The following EYA1 variants were observed in gnomAD, a reference collection of about 807,000 sequenced individuals.
EYA1 encodes the protein protein phosphatase EYA1.
EYA1 carries 16 observed loss-of-function variants against 82.0 expected under a neutral mutation model. The ratio of observed to expected loss-of-function variants is 0.20; its 90% CI spans 0.13 to 0.30. EYA1 has a LOEUF of 0.30. EYA1 is among the 10% of genes least tolerant of loss of function. EYA1 has a pLI of 1.00. For synonymous variants in EYA1, 261 were observed against 264.4 expected, an observed-to-expected ratio of 0.99 and a Z score of 0.12; for missense variants, 633 against 730.7, an observed-to-expected ratio of 0.87 and a Z score of 1.54.
intron 9 of EYA1, among the ~76,000 whole-genome samples, chr8:71,272,886 C>T (rs201271305): frequency 1.6e-5 from 2 of 127,358 alleles, no homozygotes; most frequent in Non-Finnish European, 1.7e-5. Flanking sequence ...ATTTTCCCTA[C>T]GATGTTGTTA....
intron 7 of EYA1, among the ~76,000 whole-genome samples, chr8:71,300,139 C>T (rs1331096373): frequency 1.3e-5 from 2 of 152,084 alleles, no homozygotes; most frequent in Non-Finnish European, 2.9e-5. Flanking sequence ...ACTTAAAATG[C>T]TTTCAGACTT....
chr8:71,466,407 G>A (rs1053714865), intron 2 of EYA1, among the ~76,000 whole-genome samples: 40 of 152,122 alleles, frequency 2.6e-4, no homozygotes, highest in Non-Finnish European at 7.4e-5. Flanking sequence ...AGTAGTAGAA[G>A]AGAATAGCAC....
At chr8:71,546,958 C>T (rs796910726) in intron 1 of EYA1, among the ~76,000 whole-genome samples, 35 of 152,194 alleles carry the variant, frequency 2.3e-4, no homozygotes, top group African/African-American at 8.0e-4. Flanking sequence ...TCTGGTGGGC[C>T]TTAATTACCA....
At position 71,271,789 on chromosome 8, in the gene EYA1, T is replaced by C; in HGVS notation, c.935A>G (p.Asn312Ser). 1 of 1,614,170 alleles carries C rather than the reference T, an allele frequency of 6.2e-7. No individual in the cohort carries two copies. Among genetic ancestry groups the C allele is most frequent in the Middle Eastern group, 1.6e-4 (1 of 6,062 alleles). The change falls in exon 10 of 18, where the codon AAT (asparagine) becomes AGT (serine). Residue 312 changes from asparagine to serine, a missense_variant. Asn to Ser is a conservative substitution (Grantham distance 46, BLOSUM62 1). Transcript: ENST00000340726. The part of the protein sequence containing the change: ...KSRGRGRRNN[N>S]PSPPPDSDLE... Reference sequence around the variant, plus strand: ...ATCAGAATCTGGGGGAGGTGAAGGATTATTGTTTCTTCGGCCCCGTCCACG... The same window carrying C: ...ATCAGAATCTGGGGGAGGTGAAGGACTATTGTTTCTTCGGCCCCGTCCACG...
chr8:71,410,803 C>T lies in EYA1; in HGVS notation c.34-54292G>A, dbSNP rs1239467992. On this transcript the variant is annotated intron_variant, in intron 2 of 18. Transcript: ENST00000643681. ...CAATATCGTGAAAATGGCCATACTG[C>T]CCAAGGTAATTTACAGATTCAATGC... Among the ~76,000 whole-genome samples the T allele has an allele frequency of 5.8e-3, 840 of 145,836 alleles. 9 individuals carry two copies. Among genetic ancestry groups the T allele is most frequent in the African/African-American group, 0.02 (798 of 39,462 alleles).
chr8:71,220,822 C>T (rs1180506117), intron 12 of EYA1, among the ~76,000 whole-genome samples: 1 of 152,114 alleles, frequency 6.6e-6, no homozygotes, highest in Non-Finnish European at 1.5e-5. Context: ...GGCAGGAGAA[C>T]ACTGGTGTAA....
At chr8:71,395,419 G>C (rs1586623665) in intron 2 of EYA1, among the ~76,000 whole-genome samples, 1 of 152,154 alleles carries the variant, frequency 6.6e-6, no homozygotes. Context: ...TATGATATTG[G>C]CTGTGGGTTT....
In EYA1 at chr8:71,414,012, G is replaced by A. The variant is rs535895390; in HGVS notation, c.34-57501C>T. 6.9e-4 allele frequency among the ~76,000 whole-genome samples: 105 copies of A among 152,284 alleles called. 1 individual carries two copies. Among genetic ancestry groups the A allele is most frequent in the African/African-American group, 2.5e-3 (102 of 41,548 alleles). ...GCTGTTGGGATTAACACTGTGTAAG[G>A]GTAGGAAAGAAAGTAGAATTGAGCA... is the stretch of plus-strand genomic sequence containing the variant. On this transcript the variant is annotated intron_variant, in intron 2 of 18. Coordinates refer to the EYA1 transcript ENST00000643681.
At chr8:71,413,143 C>A (rs1464213464) in intron 2 of EYA1, among the ~76,000 whole-genome samples, 1 of 152,094 alleles carries the variant, frequency 6.6e-6, no homozygotes, top group African/African-American at 2.4e-5. Flanking sequence ...AGTTCAGAAG[C>A]AGAATAAAAT....
intron 12 of EYA1, among the ~76,000 whole-genome samples, chr8:71,232,735 A>G (rs984487676): frequency 2.0e-5 from 3 of 150,470 alleles, no homozygotes; most frequent in African/African-American, 7.4e-5. Context: ...TCTACAAGAG[A>G]ATTTGGCAGC....
At chr8:71,523,179 C>CTTTTTTTTTTTTT (rs1160944112) in intron 2 of EYA1, among the ~76,000 whole-genome samples, 3 of 119,748 alleles carry the variant, frequency 2.5e-5, no homozygotes, top group Non-Finnish European at 5.4e-5. Flanking sequence ...TTTTCTTTTT[C>CTTTTTTTTTTTTT]TTTTTTTTTT....
chr8:71,494,487 T>A (rs7833605), intron 2 of EYA1, among the ~76,000 whole-genome samples: 90,524 of 152,058 alleles, frequency 0.6, 27,434 homozygotes, highest in East Asian at 0.9. Context: ...TATGCATTCA[T>A]ATTACTCTTA....
In EYA1 at chr8:71,361,999, G is replaced by C; in HGVS notation, c.-407C>G. The C allele has an allele frequency of 1.0e-6, 1 of 985,400 alleles. No homozygotes were observed. Among genetic ancestry groups the C allele is most frequent in the African/African-American group, 1.7e-5 (1 of 57,330 alleles). 61.0% of individuals were successfully genotyped at this position (985,400 alleles called of 1,614,324 possible). Reference sequence around the variant, plus strand: ...AAACTCGGAGCCATCAGCTCCCACCGTTCTGTTTGGTAACAGCTTTGCGCC... The same window carrying C: ...AAACTCGGAGCCATCAGCTCCCACCCTTCTGTTTGGTAACAGCTTTGCGCC... On this transcript the variant is annotated 5_prime_UTR_variant, in exon 1 of 18. Transcript: ENST00000340726.
intron 2 of EYA1, among the ~76,000 whole-genome samples, chr8:71,392,497 A>G (rs1227179877): frequency 6.6e-6 from 1 of 152,154 alleles, no homozygotes; most frequent in Non-Finnish European, 1.5e-5. Context: ...ACATTTCAGA[A>G]TTCTAAATGG....
chr8:71,354,698 C>A (rs527748310), intron 3 of EYA1, 84 bp downstream of exon 3: 25 of 1,376,568 alleles, frequency 1.8e-5, no homozygotes, highest in South Asian at 1.2e-4. Flanking sequence ...ATTTTGACAA[C>A]TGAAATCATA....
At chr8:71,349,129 A>G (rs1379249853) in intron 3 of EYA1, among the ~76,000 whole-genome samples, 1 of 152,228 alleles carries the variant, frequency 6.6e-6, no homozygotes, top group Non-Finnish European at 1.5e-5. Context: ...ACAATCCCCT[A>G]AAGTTAACCT....
chr8:71,422,333 C>T (rs1831189405), intron 2 of EYA1, among the ~76,000 whole-genome samples: 1 of 152,200 alleles, frequency 6.6e-6, no homozygotes, highest in African/African-American at 2.4e-5. Flanking sequence ...CTCTCTAGAG[C>T]TGCTGTCTCT....
At chr8:71,257,995 C>A (rs1450547023) in intron 11 of EYA1, among the ~76,000 whole-genome samples, 1 of 152,070 alleles carries the variant, frequency 6.6e-6, no homozygotes, top group Non-Finnish European at 1.5e-5. Flanking sequence ...GAATGGCTCT[C>A]ATGAATAATA....
chr8:71,360,819 G>A (rs781427965), intron 1 of EYA1, among the ~76,000 whole-genome samples: 1 of 152,122 alleles, frequency 6.6e-6, no homozygotes, highest in African/African-American at 2.4e-5. Flanking sequence ...AAACAAAAAC[G>A]TTTGCCTAAA....
Sources: allele counts gnomAD v4.1 joint callset (sites outside exome capture counted in the v4.1 genomes callset), GRCh38; gene constraint gnomAD v4.1.1; transcripts MANE v1.5; gene names NCBI Gene and HGNC (gene_info 2026-07-23, HGNC 2026-07-21).